The following PTAFR variants were observed in gnomAD, a reference collection of about 807,000 sequenced individuals.
The protein encoded by PTAFR is platelet-activating factor receptor.
Under a neutral mutation model 14.7 loss-of-function variants are expected in PTAFR, and 8 were observed. The ratio of observed to expected loss-of-function variants is 0.54; its 90% CI spans 0.32 to 0.98. The LOEUF (loss-of-function observed/expected upper bound fraction) is 0.98, where lower values mean the gene tolerates loss of function less well. Ranked by LOEUF, PTAFR falls within the 50% of genes least tolerant of loss-of-function variation. The probability of loss-of-function intolerance (pLI) is 0.04; values close to 1 mark genes in which losing one functional copy is unlikely to be tolerated. For synonymous variants in PTAFR, 156 were observed against 176.5 expected, an observed-to-expected ratio of 0.88 and a Z score of 0.92; for missense variants, 337 against 451.2, an observed-to-expected ratio of 0.75 and a Z score of 2.29.
chr1:28,166,653 A>G (rs1005867757), intron 1 of PTAFR, among the ~76,000 whole-genome samples: 1 of 151,812 alleles, frequency 6.6e-6, no homozygotes, highest in Non-Finnish European at 1.5e-5. Context: ...CCTGGGAAAC[A>G]GAGCAAGACT....
chr1:28,191,460 G>A (rs1190624204), intron 1 of PTAFR, among the ~76,000 whole-genome samples: 1 of 152,206 alleles, frequency 6.6e-6, no homozygotes, highest in African/African-American at 2.4e-5. Context: ...CCAGCCGGGC[G>A]CAGTGGTATA....
chr1:28,173,365 G>A (rs1646473685), intron 1 of PTAFR, among the ~76,000 whole-genome samples: 1 of 151,706 alleles, frequency 6.6e-6, no homozygotes, highest in Non-Finnish European at 1.5e-5. Context: ...CAGCACTTTG[G>A]GAGGCCAAGG....
intron 1 of PTAFR, among the ~76,000 whole-genome samples, chr1:28,168,182 A>G (rs1173523823): frequency 6.9e-6 from 1 of 144,454 alleles, no homozygotes; most frequent in Non-Finnish European, 1.5e-5. Context: ...CGTGTTAGCC[A>G]GGATGGTCTC....
At position 28,170,785 on chromosome 1, in the gene PTAFR, G is replaced by C. The variant is rs551113139; in HGVS notation, c.-39+5807C>G. Among the ~76,000 whole-genome samples, 41 of 152,186 alleles carry C rather than the reference G, an allele frequency of 2.7e-4. No individual in the cohort carries two copies. In the East Asian group the frequency reaches 7.9e-3, roughly 29 times the overall value. ...GGAGGCCAAGGCGGGCGGATCACAAGATCAGGAGATCGAGACCATCCTGGC... is the reference window on the plus strand; with the variant it reads ...GGAGGCCAAGGCGGGCGGATCACAACATCAGGAGATCGAGACCATCCTGGC... On this transcript the variant is annotated intron_variant, in intron 1 of 1. Transcript: ENST00000373857.
At chr1:28,154,468 A>C (rs899779220) in intron 1 of PTAFR, among the ~76,000 whole-genome samples, 2 of 152,156 alleles carry the variant, frequency 1.3e-5, no homozygotes, top group Non-Finnish European at 2.9e-5. Flanking sequence ...CTCTCGGGGT[A>C]GACAGACAAA....
intron 1 of PTAFR, among the ~76,000 whole-genome samples, chr1:28,161,876 TAAAAAAG>T (rs1375013507): frequency 6.6e-6 from 1 of 151,978 alleles, no homozygotes; most frequent in Non-Finnish European, 1.5e-5. Context: ...GGCTGAACTC[TAAAAAAG>T]AAAAAAGGAA....
chr1:28,193,358 C>T (rs1049923070), intron 1 of PTAFR, among the ~76,000 whole-genome samples: 1 of 151,838 alleles, frequency 6.6e-6, no homozygotes, highest in Non-Finnish European at 1.5e-5. Context: ...CAATATTGTC[C>T]GTTGGTGCCC....
chr1:28,153,131 G>C, intron 1 of PTAFR, among the ~76,000 whole-genome samples: 1 of 152,034 alleles, frequency 6.6e-6, no homozygotes, highest in East Asian at 1.9e-4. Flanking sequence ...CCCGTCTCTA[G>C]TAAAATAAAA....
chr1:28,183,820 G>A (rs997727603), intron 1 of PTAFR, among the ~76,000 whole-genome samples: 4 of 152,172 alleles, frequency 2.6e-5, no homozygotes, highest in South Asian at 4.1e-4. Context: ...CCGGGAGGCA[G>A]AGGTTGCAGT....
intron 1 of PTAFR, among the ~76,000 whole-genome samples, chr1:28,167,795 C>A (rs1464299310): frequency 6.6e-6 from 1 of 151,384 alleles, no homozygotes; most frequent in Non-Finnish European, 1.5e-5. Context: ...CCCGCCACCT[C>A]GCCCGGCTAA....
upstream of PTAFR, among the ~76,000 whole-genome samples, chr1:28,179,606 AG>A (rs1646546572): frequency 6.6e-6 from 1 of 152,080 alleles, no homozygotes; most frequent in African/African-American, 2.4e-5. Context: ...ACTTGAGGTC[AG>A]GAATTCAAGA....
intron 1 of PTAFR, among the ~76,000 whole-genome samples, chr1:28,163,387 G>A (rs1572035809): frequency 6.6e-6 from 1 of 152,192 alleles, no homozygotes; most frequent in South Asian, 2.1e-4. Context: ...CCAGTGTCGG[G>A]CACCGAGGAA....
intron 1 of PTAFR, among the ~76,000 whole-genome samples, chr1:28,185,916 C>T (rs1646602386): frequency 1.3e-5 from 2 of 152,052 alleles, no homozygotes; most frequent in East Asian, 3.8e-4. Flanking sequence ...ATTAAGAAGA[C>T]ACAACTTATA....
intron 1 of PTAFR, among the ~76,000 whole-genome samples, chr1:28,157,716 C>T (rs1329574587): frequency 4.6e-5 from 7 of 151,570 alleles, no homozygotes; most frequent in East Asian, 1.9e-4. Context: ...GCAAGCTCCG[C>T]CTCCTGGGTT....
At chr1:28,173,923 AGCTGGCTTT>A (rs1190878550) in intron 1 of PTAFR, among the ~76,000 whole-genome samples, 4 of 152,162 alleles carry the variant, frequency 2.6e-5, no homozygotes, top group Non-Finnish European at 5.9e-5. Context: ...TCAGCCTCTC[AGCTGGCTTT>A]GCTGGCCATC....
rs552636571 is a variant in PTAFR, at chr1:28,148,093, G to C, written c.*1900C>G. ...CACAGGGACACTGACTGGAAGGAAG[G>C]AAGACTTCTCTGAAGGAGCACAGAG... On this transcript the variant is annotated 3_prime_UTR_variant, in exon 2 of 2. Coordinates refer to ENST00000373857, the MANE Select transcript of PTAFR (RefSeq NM_000952.5). 1.3e-5 allele frequency: 2 copies of C among 152,236 alleles called. No homozygotes were observed. The highest frequency in any genetic ancestry group is 6.5e-5 in the Admixed American group (1 of 15,268). The allele number at this position is 152,236 out of a possible 1,614,324, so 9.4% of individuals were successfully genotyped here.
intron 1 of PTAFR, among the ~76,000 whole-genome samples, chr1:28,160,236 T>TAA (rs879385380): frequency 1.6e-5 from 2 of 126,280 alleles, no homozygotes; most frequent in African/African-American, 2.9e-5. Context: ...AAAAAAGAAT[T>TAA]AAAAAAAAAA....
chr1:28,166,083 A>G (rs940565319), intron 1 of PTAFR, among the ~76,000 whole-genome samples: 1 of 152,198 alleles, frequency 6.6e-6, no homozygotes, highest in African/African-American at 2.4e-5. Context: ...AATAATCAAA[A>G]TGGTTTGGAC....
In PTAFR at chr1:28,150,561, A is replaced by G. The variant is rs767225934; in HGVS notation, c.461T>C (p.Ile154Thr). 1 of 1,614,170 alleles carries G rather than the reference A, an allele frequency of 6.2e-7. No homozygotes were observed. Residue 154 changes from isoleucine (I) to threonine (T), a missense_variant, in exon 2 of 2, where the codon ATC becomes ACC. Physicochemically the swap from Ile to Thr is moderately conservative, Grantham distance 89. Transcript: ENST00000373857. This position sits in a 1 kb window ranked among gnomAD's most constrained non-coding sequence, Gnocchi z 6.3. ...GGGCACTGTGTTGGTGGAGTCCAGG[A>G]TGAGGAAGTAGGATGCAGCTCCCAC... ...AIVGAASYFL[I>T]LDSTNTVPDS... is the part of the protein sequence containing the mutation.
Sources: gnomAD v4.1 joint callset for allele counts (sites outside exome capture counted in the v4.1 genomes callset) on GRCh38, gnomAD v4.1.1 for gene constraint, Gnocchi (gnomAD v3.1) non-coding constraint, MANE v1.5 for transcripts, NCBI Gene and HGNC (gene_info 2026-07-23, HGNC 2026-07-21) for gene names.